Variants in GALNT2 observed in about 807,000 individuals in gnomAD.
The protein encoded by GALNT2 is UDP-GalNAc:polypeptide N-acetylgalactosaminyltransferase 2.
A neutral mutation model predicts 81.4 loss-of-function variants in GALNT2; 31 were observed. The ratio of observed to expected loss-of-function variants is 0.38; its 90% CI spans 0.29 to 0.51. The LOEUF is 0.51. GALNT2 is among the 20% of genes least tolerant of loss of function. The pLI is 0.87. For synonymous variants in GALNT2, 303 were observed against 287.4 expected (o/e 1.05, Z -0.55); for missense variants, 629 against 765.7 (o/e 0.82, Z 2.11).
chr1:230,184,853 C>T lies in GALNT2; in HGVS notation c.220+6542C>T, dbSNP rs751057991. On this transcript the variant is annotated intron_variant, in intron 2 of 15. Transcript: ENST00000366672. ...TTCCTTTCTCTCTTTCTTCTCCTTC[C>T]GATATTCCCATCATGCATATTTACA... Among the ~76,000 whole-genome samples, 6 of 152,050 alleles carry T rather than the reference C, an allele frequency of 3.9e-5. No individual in the cohort carries two copies. In the South Asian group the frequency reaches 8.3e-4, roughly 21 times the overall value.
At chr1:230,087,366 T>C (rs1659931059) in intron 1 of GALNT2, among the ~76,000 whole-genome samples, 1 of 152,190 alleles carries the variant, frequency 6.6e-6, no homozygotes, top group Non-Finnish European at 1.5e-5. Context: ...TGCAGTAAAA[T>C]TAAATTTCAA....
upstream of GALNT2, among the ~76,000 whole-genome samples, chr1:230,062,576 C>T (rs180869336): frequency 7.5e-4 from 114 of 152,302 alleles, no homozygotes; most frequent in African/African-American, 2.6e-3. Flanking sequence ...ATTTTGGTTA[C>T]TGTAGGAAAC....
intron 3 of GALNT2, among the ~76,000 whole-genome samples, chr1:230,210,291 G>C (rs1204029266): frequency 1.3e-5 from 2 of 152,102 alleles, no homozygotes; most frequent in African/African-American, 4.8e-5. Flanking sequence ...CAACCTTTAG[G>C]GGGGAAACCA....
intron 11 of GALNT2, among the ~76,000 whole-genome samples, chr1:230,260,221 T>C (rs1205240386): frequency 6.6e-6 from 1 of 152,226 alleles, no homozygotes; most frequent in Non-Finnish European, 1.5e-5. Context: ...ACCTAAATAC[T>C]TGCAAATACC....
In GALNT2 at chr1:230,118,103, T is replaced by C. The variant is rs951991741; in HGVS notation, c.126+50697T>C. Among the ~76,000 whole-genome samples the C allele has an allele frequency of 3.9e-5, 6 of 152,380 alleles. No individual in the cohort carries two copies. The East Asian group carries it at 9.6e-4, about 24-fold the overall frequency. The stretch of plus-strand genomic sequence containing the variant: ...TGGAATCATTCAGTATGTAGCCTTT[T>C]CAAATTGGCTTCTTTCACTTAGTCC... On this transcript the variant is annotated intron_variant, in intron 1 of 15. Coordinates refer to ENST00000366672, the MANE Select transcript of GALNT2 (RefSeq NM_004481.5).
chr1:230,129,954 A>AC (rs1661314291), intron 1 of GALNT2, among the ~76,000 whole-genome samples: 1 of 152,180 alleles, frequency 6.6e-6, no homozygotes, highest in African/African-American at 2.4e-5. Context: ...GACAGGCATC[A>AC]CCCGTCTGCT....
intron 13 of GALNT2, chr1:230,264,957 C>A: frequency 3.3e-6 from 1 of 306,364 alleles, no homozygotes. Flanking sequence ...GTATCAGGAG[C>A]TTTTCCTTCC....
At chr1:230,145,464 C>T (rs1661886208) in intron 1 of GALNT2, among the ~76,000 whole-genome samples, 1 of 152,252 alleles carries the variant, frequency 6.6e-6, no homozygotes, top group Non-Finnish European at 1.5e-5. Context: ...GCCAGTCCCC[C>T]ATTTCCCTCT....
upstream of GALNT2, chr1:230,067,206 C>T (rs1192804835): frequency 3.6e-5 from 34 of 946,174 alleles, no homozygotes; most frequent in South Asian, 4.5e-5. Context: ...CCTCCCCCGG[C>T]CCCCACCGCG....
At chr1:230,058,196 C>T (rs1658962320) in intron 1 of GALNT2, 1 of 443,830 alleles carries the variant, frequency 2.3e-6, no homozygotes, top group African/African-American at 2.0e-5. Flanking sequence ...CCTTCCTAGG[C>T]CCAACTCTCA....
intron 1 of GALNT2, among the ~76,000 whole-genome samples, chr1:230,156,214 A>G (rs12119856): frequency 0.42 from 55,577 of 131,822 alleles, 11,293 homozygotes; most frequent in Non-Finnish European, 0.47. Context: ...GACGAGGGAG[A>G]GAGAGAGAGA....
At chr1:230,266,518 G>A (rs1666041518) in intron 14 of GALNT2, among the ~76,000 whole-genome samples, 1 of 152,172 alleles carries the variant, frequency 6.6e-6, no homozygotes, top group Non-Finnish European at 1.5e-5. Context: ...TTTTGAAAGG[G>A]GGCATGTGCT....
chr1:230,220,295 T>A (rs1664506809), intron 3 of GALNT2, among the ~76,000 whole-genome samples: 2 of 151,416 alleles, frequency 1.3e-5, no homozygotes, highest in South Asian at 4.2e-4. Flanking sequence ...TTTTTTTTAA[T>A]GTTGGAATCA....
chr1:230,179,737 C>T (rs1663100094), intron 2 of GALNT2, among the ~76,000 whole-genome samples: 1 of 152,112 alleles, frequency 6.6e-6, no homozygotes, highest in African/African-American at 2.4e-5. Context: ...TTCTCCTAGT[C>T]TGTGGCCTGT....
chr1:230,161,135 G>C (rs1255568176), intron 1 of GALNT2, among the ~76,000 whole-genome samples: 1 of 152,200 alleles, frequency 6.6e-6, no homozygotes, highest in African/African-American at 2.4e-5. Flanking sequence ...ACAGTCCTGT[G>C]ACTGTCTGGG....
intron 1 of GALNT2, among the ~76,000 whole-genome samples, chr1:230,130,350 T>G (rs1283607747): frequency 6.6e-6 from 1 of 152,146 alleles, no homozygotes; most frequent in Non-Finnish European, 1.5e-5. Flanking sequence ...GAGAAGCACT[T>G]AGCATGGGGT....
chr1:230,065,987 G>A (rs1659163961), upstream of GALNT2, among the ~76,000 whole-genome samples: 1 of 152,204 alleles, frequency 6.6e-6, no homozygotes, highest in African/African-American at 2.4e-5. Flanking sequence ...TTATAAAGAG[G>A]TGACAACCCT....
intron 3 of GALNT2, among the ~76,000 whole-genome samples, chr1:230,208,626 A>G (rs1664139173): frequency 6.6e-6 from 1 of 152,264 alleles, no homozygotes; most frequent in Non-Finnish European, 1.5e-5. Context: ...TGAGCCCTGG[A>G]CGATTCCAAC....
At chr1:230,192,330 T>C (rs943579037) in intron 2 of GALNT2, among the ~76,000 whole-genome samples, 1 of 152,240 alleles carries the variant, frequency 6.6e-6, no homozygotes, top group Non-Finnish European at 1.5e-5. Context: ...GCAGAAACCC[T>C]CATATTTGAC....
Sources: allele counts gnomAD v4.1 joint callset (sites outside exome capture counted in the v4.1 genomes callset), GRCh38; gene constraint gnomAD v4.1.1; transcripts MANE v1.5; gene names NCBI Gene and HGNC (gene_info 2026-07-23, HGNC 2026-07-21).